NPC1: variants seen among roughly 807,000 people sequenced by gnomAD.
The protein encoded by NPC1 is Niemann-Pick C1 protein.
NPC1 carries 85 observed loss-of-function variants against 140.4 expected under a neutral mutation model. The observed-to-expected ratio is 0.61, with a 90% CI of 0.51 to 0.72. The LOEUF is 0.72. NPC1 is among the 30% of genes least tolerant of loss of function. The pLI is 0.00. For missense variants in NPC1, 1,504 were observed against 1,623.8 expected, an observed-to-expected ratio of 0.93 and a Z score of 1.27; for synonymous variants, 656 against 624.8, an observed-to-expected ratio of 1.05 and a Z score of -0.74.
At chr18:23,581,611 G>A (rs1288580282) in intron 1 of NPC1, among the ~76,000 whole-genome samples, 2 of 152,054 alleles carry the variant, frequency 1.3e-5, no homozygotes. Context: ...AATTTGGGTA[G>A]CTTTTGTCTC....
chr18:23,514,287 G>A (rs1213435263), intron 3 of NPC1, among the ~76,000 whole-genome samples: 2 of 152,210 alleles, frequency 1.3e-5, no homozygotes, highest in Non-Finnish European at 2.9e-5. Context: ...AGGCCGAGGT[G>A]GGCGATCATC....
chr18:23,551,495 T>C, intron 10 of NPC1, 132 bp downstream of exon 10: 1 of 792,104 alleles, frequency 1.3e-6, no homozygotes, highest in Non-Finnish European at 2.3e-6. Flanking sequence ...GGAGATACTA[T>C]TCTGGGATTC....
chr18:23,572,141 A>G lies in NPC1; in HGVS notation c.220T>C (p.Cys74Arg). Residue 74 changes from cysteine (C) to arginine (R), a missense_variant, in exon 3 of 25, where the codon TGT (cysteine) becomes CGT (arginine). Physicochemically the swap from Cys to Arg is radical, Grantham distance 180. Coordinates refer to ENST00000269228, the MANE Select transcript of NPC1 (RefSeq NM_000271.5). ...GTCTGAAGCTGCCGAACATCACAAC[A>G]GAGACTGACATTGCCAAAGAAGAAT... is the stretch of plus-strand genomic sequence containing the variant. Reference protein sequence around the residue: ...PGFFFGNVSLCCDVRQLQTLK... With the variant: ...PGFFFGNVSLRCDVRQLQTLK... The G allele has an allele frequency of 1.2e-6, 2 of 1,613,690 alleles. No homozygotes were observed. Among genetic ancestry groups the G allele is most frequent in the Non-Finnish European group, 8.5e-7 (1 of 1,179,726 alleles).
In NPC1 at chr18:23,535,675, A is replaced by T. The variant is rs2058619093; in HGVS notation, c.3271T>A (p.Tyr1091Asn). 6.2e-7 allele frequency: 1 copy of T among 1,613,900 alleles called. No homozygotes were observed. Among genetic ancestry groups the T allele is most frequent in the African/African-American group, 1.3e-5 (1 of 74,908 alleles). Residue 1091 changes from tyrosine to asparagine, a missense_variant, in exon 22 of 25, where the codon TAC becomes AAC. Tyr to Asn is a moderately radical substitution (Grantham distance 143, BLOSUM62 -2). Transcript: ENST00000269228. ...ATAGTGTCGTCAATGATGGTCAGGT[A>T]CTGTTCGTAGAAGACATAAAACACA... ...YSVFYVFYEQ[Y>N]LTIIDDTIFN...
chr18:23,549,265 T>C (rs986113159), intron 10 of NPC1, among the ~76,000 whole-genome samples: 1 of 152,112 alleles, frequency 6.6e-6, no homozygotes, highest in East Asian at 1.9e-4. Flanking sequence ...GGCACAATCA[T>C]GGTTTACTGA....
chr18:23,523,136 C>T (rs1000644424), intron 1 of NPC1, among the ~76,000 whole-genome samples: 3 of 152,182 alleles, frequency 2.0e-5, no homozygotes, highest in Non-Finnish European at 2.9e-5. Flanking sequence ...GAGTGCTCTT[C>T]GCCAAAGCTT....
chr18:23,581,975 T>C (rs1349606321), intron 1 of NPC1: 2 of 152,238 alleles, frequency 1.3e-5, no homozygotes, highest in Non-Finnish European at 2.9e-5. Context: ...TTACAGTGTA[T>C]AGACGGACTT....
At chr18:23,580,977 C>A (rs978407296) in intron 1 of NPC1, among the ~76,000 whole-genome samples, 1 of 152,192 alleles carries the variant, frequency 6.6e-6, no homozygotes, top group Non-Finnish European at 1.5e-5. Flanking sequence ...TGTGTGTGCA[C>A]CAGGCCTGCC....
chr18:23,550,606 C>T (rs1163524400), intron 10 of NPC1, among the ~76,000 whole-genome samples: 5 of 151,030 alleles, frequency 3.3e-5, no homozygotes, highest in South Asian at 2.1e-4. Context: ...CTCAGCCTCC[C>T]GAGTAGCTGG....
chr18:23,525,783 C>T (rs1282689840), downstream of NPC1, among the ~76,000 whole-genome samples: 1 of 152,118 alleles, frequency 6.6e-6, no homozygotes, highest in Non-Finnish European at 1.5e-5. Context: ...TCTAATACCT[C>T]GCCAGGCTGG....
Position 23,506,876 on chromosome 18 carries a change from C to G in NPC1, c.432-234G>C, listed in dbSNP as rs970562285. ...TTAATTTTAGACTAGAATTTGCTGC[C>G]TCCTGAATATAGATTGTGTCTTTTG... On this transcript the variant is annotated intron_variant, in intron 3 of 3. Coordinates refer to the NPC1 transcript ENST00000591107. The G allele has an allele frequency of 9.3e-6, 8 of 859,862 alleles. No homozygotes were observed. In the African/African-American group the frequency reaches 1.0e-4, roughly 11 times the overall value. The allele number at this position is 859,862 out of a possible 1,614,324, so 53.3% of individuals were successfully genotyped here.
At position 23,551,674 on chromosome 18, in the gene NPC1, G is replaced by A. The variant is rs781523948; in HGVS notation, c.1607C>T (p.Thr536Met). 2.3e-5 allele frequency: 37 copies of A among 1,614,012 alleles called. No homozygotes were observed. The highest frequency in any genetic ancestry group is 3.3e-5 in the Admixed American group (2 of 60,002). The stretch of plus-strand genomic sequence containing the variant: ...CCACGGGAACACTGGTCCACCAAAC[G>A]TACCCAGACAAGGGTCATGGAGCAA... ...TSLLHDPCLG[T>M]FGGPVFPWLV... Residue 536 changes from threonine (T) to methionine (M), a missense_variant, in exon 10 of 25, where the codon ACG (threonine) becomes ATG (methionine). Transcript: ENST00000269228.
At chr18:23,507,273 T>G (rs1447955296) in intron 3 of NPC1, among the ~76,000 whole-genome samples, 2 of 152,198 alleles carry the variant, frequency 1.3e-5, no homozygotes, top group African/African-American at 4.8e-5. Flanking sequence ...ATTAAAAATT[T>G]TTTTTTGAGC....
rs769196521 is a variant in NPC1, at chr18:23,541,185, G to A, written c.2397C>T (p.Cys799=). The change falls in exon 16 of 25, where the codon TGC becomes TGT. Residue 799 remains cysteine, a synonymous_variant. Coordinates refer to ENST00000269228, the MANE Select transcript of NPC1 (RefSeq NM_000271.5). The part of the protein sequence containing the change: ...RQEKNRLDIF[C]CVRGAEDGTS... The stretch of plus-strand genomic sequence containing the variant: ...TTCCATCTTCAGCACCTCTGACACA[G>A]CAAAAGATGTCTAGCCGATTTTTCT... The A allele has an allele frequency of 8.7e-6, 14 of 1,614,070 alleles. No homozygotes were observed. Among genetic ancestry groups the A allele is most frequent in the Non-Finnish European group, 1.1e-5 (13 of 1,180,034 alleles).
chr18:23,535,554 A>G lies in NPC1; in HGVS notation c.3392T>C (p.Ile1131Thr). The change falls in exon 22 of 25, where the codon ATC (isoleucine) becomes ACC (threonine). Residue 1131 changes from isoleucine to threonine, a missense_variant. Transcript: ENST00000269228. Reference sequence around the variant, plus strand: ...AAACATGTTGACCAAGACCATGGCGATGGTGGCACACATGATGACTGCAGA... The same window carrying G: ...AAACATGTTGACCAAGACCATGGCGGTGGTGGCACACATGATGACTGCAGA... Reference protein sequence around the residue: ...LWSAVIMCATIAMVLVNMFGV... With the variant: ...LWSAVIMCATTAMVLVNMFGV... The G allele has an allele frequency of 2.5e-6, 4 of 1,614,150 alleles. No individual in the cohort carries two copies. The highest frequency in any genetic ancestry group is 3.4e-6 in the Non-Finnish European group (4 of 1,180,024).
chr18:23,577,669 G>A (rs1004029289), intron 1 of NPC1, among the ~76,000 whole-genome samples: 3 of 152,236 alleles, frequency 2.0e-5, no homozygotes, highest in Non-Finnish European at 4.4e-5. Context: ...ACTGGGCGCC[G>A]TGGAGCAGGG....
chr18:23,586,251 C>A (rs1262083284), intron 1 of NPC1, 36 bp downstream of exon 1: 1 of 1,529,606 alleles, frequency 6.5e-7, no homozygotes, highest in Non-Finnish European at 8.7e-7. Flanking sequence ...CCCGCCACGT[C>A]CCCACAGGGC....
chr18:23,553,906 G>C (rs2058911424), intron 9 of NPC1, among the ~76,000 whole-genome samples: 1 of 152,322 alleles, frequency 6.6e-6, no homozygotes, highest in African/African-American at 2.4e-5. Context: ...TCCTCAGAGG[G>C]AGGCTGCCTC....
At chr18:23,561,157 G>A (rs1487360896) in intron 5 of NPC1, among the ~76,000 whole-genome samples, 6 of 152,130 alleles carry the variant, frequency 3.9e-5, no homozygotes, top group African/African-American at 1.4e-4. Context: ...GACTACAGAT[G>A]CATGCCACCA....
Sources: gnomAD v4.1 joint callset for allele counts (sites outside exome capture counted in the v4.1 genomes callset) on GRCh38, gnomAD v4.1.1 for gene constraint, MANE v1.5 for transcripts, NCBI Gene and HGNC (gene_info 2026-07-23, HGNC 2026-07-21) for gene names.